The following ABCC1 variants were observed in gnomAD, a reference collection of about 807,000 sequenced individuals.
ABCC1 encodes ATP binding cassette subfamily C member 1 (ABCC1 blood group).
A neutral mutation model predicts 172.9 loss-of-function variants in ABCC1; 83 were observed. That is an observed-to-expected ratio of 0.48 (90% CI 0.40 to 0.58). The LOEUF is 0.58. ABCC1 is among the 20% of genes least tolerant of loss of function. The probability of loss-of-function intolerance (pLI) is 0.00; values close to 1 mark genes in which losing one functional copy is unlikely to be tolerated. For missense variants in ABCC1, 1,817 were observed against 2,002.7 expected, an observed-to-expected ratio of 0.91 and a Z score of 1.77; for synonymous variants, 937 against 825.2, an observed-to-expected ratio of 1.14 and a Z score of -2.32.
At chr16:16,138,739 A>C (rs2046014944) in intron 30 of ABCC1, among the ~76,000 whole-genome samples, 181 bp downstream of exon 30, 1 of 140,170 alleles carries the variant, frequency 7.1e-6, no homozygotes, top group African/African-American at 2.8e-5. Flanking sequence ...TTTTTGAGAC[A>C]GAGTCTCGCT....
At chr16:16,048,354 G>A (rs760609085) in intron 10 of ABCC1, 51 bp downstream of exon 10, 1 of 1,601,396 alleles carries the variant, frequency 6.2e-7, no homozygotes, top group Admixed American at 1.7e-5. Flanking sequence ...ACTTCTACGT[G>A]TGGGCAGTGG....
chr16:16,027,448 T>G (rs1056992658), intron 5 of ABCC1, among the ~76,000 whole-genome samples: 1 of 152,110 alleles, frequency 6.6e-6, no homozygotes, highest in Non-Finnish European at 1.5e-5. Flanking sequence ...GGTATAGTGG[T>G]GTATTGTGAA....
At position 16,090,559 on chromosome 16, in the gene ABCC1, C is replaced by G. The variant is rs1362592973; in HGVS notation, c.2615C>G (p.Thr872Arg). 1.9e-6 allele frequency: 3 copies of G among 1,611,518 alleles called. No individual in the cohort carries two copies. Among genetic ancestry groups the G allele is most frequent in the Non-Finnish European group, 2.5e-6 (3 of 1,178,366 alleles). ...GAGTTCCTGCGTACCTATGCCAGCA[C>G]AGAGCAGGAGCAGGATGCAGAGGAG... ...FAEFLRTYAS[T>R]EQEQDAEENG... The change falls in exon 19 of 31, where the codon ACA (threonine) becomes AGA (arginine). Residue 872 changes from threonine (T) to arginine (R), a missense_variant. Thr to Arg is a moderately conservative substitution (Grantham distance 71). Transcript: ENST00000399410.
chr16:16,000,401 T>C (rs556662749), intron 1 of ABCC1, among the ~76,000 whole-genome samples: 2 of 152,154 alleles, frequency 1.3e-5, no homozygotes, highest in East Asian at 3.9e-4. Flanking sequence ...CGTGTCGGCC[T>C]CCCAAAGTGC....
chr16:16,130,898 G>A (rs1166586552), intron 26 of ABCC1, among the ~76,000 whole-genome samples: 2 of 152,098 alleles, frequency 1.3e-5, no homozygotes, highest in Admixed American at 6.6e-5. Flanking sequence ...AGAGGTGGGT[G>A]GATCATGAGG....
intron 15 of ABCC1, among the ~76,000 whole-genome samples, chr16:16,076,875 T>C (rs1192025090): frequency 2.0e-5 from 3 of 152,342 alleles, no homozygotes; most frequent in Non-Finnish European, 2.9e-5. Flanking sequence ...CTGCTTCTTA[T>C]TGACCCAGAT....
chr16:16,008,332 T>A (rs2047632321), intron 2 of ABCC1, among the ~76,000 whole-genome samples: 1 of 151,702 alleles, frequency 6.6e-6, no homozygotes, highest in Non-Finnish European at 1.5e-5. Context: ...CCTTTTTATT[T>A]AATTAAATAT....
Position 15,953,559 on chromosome 16 carries a change from A to G in ABCC1, c.48+3760A>G, listed in dbSNP as rs115348388. Reference sequence around the variant, plus strand: ...AGGAATAAGTGAGTTAATCCTTAGCAAGGACTTAAAATGTTGCTGCTTGGC... The same window carrying G: ...AGGAATAAGTGAGTTAATCCTTAGCGAGGACTTAAAATGTTGCTGCTTGGC... On this transcript the variant is annotated intron_variant, in intron 1 of 30. Transcript: ENST00000399410. 2.1e-3 allele frequency among the ~76,000 whole-genome samples: 323 copies of G among 152,260 alleles called. 2 individuals are homozygous for G. Among genetic ancestry groups the G allele is most frequent in the African/African-American group, 7.1e-3 (293 of 41,554 alleles).
At chr16:15,966,662 T>C (rs2046250810) in intron 1 of ABCC1, among the ~76,000 whole-genome samples, 1 of 151,152 alleles carries the variant, frequency 6.6e-6, no homozygotes, top group Non-Finnish European at 1.5e-5. Flanking sequence ...TTTTTTTTTT[T>C]TTTTTAGAGA....
intron 14 of ABCC1, among the ~76,000 whole-genome samples, chr16:16,073,051 AAAAAAAT>A (rs1476900185): frequency 9.0e-6 from 1 of 110,876 alleles, no homozygotes; most frequent in Non-Finnish European, 2.0e-5. Flanking sequence ...AAAAAAAAAA[AAAAAAAT>A]AATAATAATA....
chr16:16,125,337 T>C (rs2045381105), intron 25 of ABCC1, among the ~76,000 whole-genome samples: 1 of 152,340 alleles, frequency 6.6e-6, no homozygotes, highest in Non-Finnish European at 1.5e-5. Context: ...GAGATGGCAA[T>C]GTGGCAGGCC....
Position 16,052,768 on chromosome 16 carries a change from C to T in ABCC1, c.1425C>T (p.Leu475=). The T allele has an allele frequency of 1.2e-6, 2 of 1,614,124 alleles. No homozygotes were observed. The highest frequency in any genetic ancestry group is 1.7e-6 in the Non-Finnish European group (2 of 1,180,032). The change falls in exon 11 of 31, where the codon CTC becomes CTT. Residue 475 remains leucine (L), a synonymous_variant. Coordinates refer to ENST00000399410, the MANE Select transcript of ABCC1 (RefSeq NM_004996.4). ...SVLAGVAVMV[L]MVPVNAVMAM... is the part of the protein sequence containing the mutation. ...TGGCTGGAGTGGCGGTGATGGTCCT[C>T]ATGGTGCCCGTCAATGCTGTGATGG...
In ABCC1 at chr16:16,130,048, C is replaced by T. The variant is rs147763894; in HGVS notation, c.3820-1741C>T. ...GGCCCAGGCCATATCCAGCTGTGGG[C>T]CTCAGGAAATGCTGAACTGAACTAC... On this transcript the variant is annotated intron_variant, in intron 26 of 30. Coordinates refer to ENST00000399410, the MANE Select transcript of ABCC1 (RefSeq NM_004996.4). 6.6e-3 allele frequency among the ~76,000 whole-genome samples: 1,002 copies of T among 152,316 alleles called. 11 individuals carry two copies. The highest frequency in any genetic ancestry group is 0.023 in the African/African-American group (970 of 41,562).
At chr16:16,076,462 G>A (rs372717394) in intron 15 of ABCC1, 61 bp downstream of exon 15, 32 of 1,483,168 alleles carry the variant, frequency 2.2e-5, no homozygotes, top group African/African-American at 1.1e-4. Flanking sequence ...TTTGTTAAAC[G>A]TGGATTCGAA....
At chr16:16,102,913 G>C (rs1387459469) in intron 20 of ABCC1, among the ~76,000 whole-genome samples, 196 bp downstream of exon 20, 1 of 152,300 alleles carries the variant, frequency 6.6e-6, no homozygotes, top group Non-Finnish European at 1.5e-5. Flanking sequence ...CTTTTTGCCA[G>C]GTGGCACAAC....
In ABCC1 at chr16:16,009,867, T is replaced by A. The variant is rs773404444; in HGVS notation, c.317T>A (p.Phe106Tyr). The change falls in exon 3 of 31, where the codon TTT (phenylalanine) becomes TAT (tyrosine). Residue 106 changes from phenylalanine to tyrosine, a missense_variant. Physicochemically the swap from Phe to Tyr is conservative, Grantham distance 22. Transcript: ENST00000399410. ...RSRGIFLAPV[F>Y]LVSPTLLGIT... is the part of the protein sequence containing the mutation. ...CGGGGCATATTCCTGGCCCCAGTGT[T>A]TCTGGTCAGCCCAACTCTCTTGGGC... is the stretch of plus-strand genomic sequence containing the variant. 1 of 1,611,216 alleles carries A rather than the reference T, an allele frequency of 6.2e-7. No individual in the cohort carries two copies. Among genetic ancestry groups the A allele is most frequent in the Admixed American group, 1.7e-5 (1 of 59,512 alleles).
Position 16,044,651 on chromosome 16 carries a change from G to C in ABCC1, c.1011G>C (p.Leu337=). The change falls in exon 8 of 31, where the codon CTG becomes CTC. Residue 337 remains leucine, a synonymous_variant. Transcript: ENST00000399410. ...MSFFFKAIHD[L]MMFSGPQILK... ...TCTTCTTCAAGGCCATCCACGACCT[G>C]ATGATGTTTTCCGGGCCGCAGATCT... is the stretch of plus-strand genomic sequence containing the variant. 6.2e-7 allele frequency: 1 copy of C among 1,614,144 alleles called. No individual in the cohort carries two copies. The highest frequency in any genetic ancestry group is 8.5e-7 in the Non-Finnish European group (1 of 1,180,036).
intron 1 of ABCC1, among the ~76,000 whole-genome samples, chr16:15,999,769 T>TCTCTC (rs2047186174): frequency 3.9e-5 from 1 of 25,364 alleles, no homozygotes; most frequent in African/African-American, 1.1e-4. Flanking sequence ...CCCGGCCTCT[T>TCTCTC]TCTCTCTCTC....
At chr16:16,095,692 T>A (rs2051444871) in intron 19 of ABCC1, among the ~76,000 whole-genome samples, 1 of 152,130 alleles carries the variant, frequency 6.6e-6, no homozygotes, top group Non-Finnish European at 1.5e-5. Flanking sequence ...TATTTATATA[T>A]TTTTATGTTT....
Sources: allele counts gnomAD v4.1 joint callset (sites outside exome capture counted in the v4.1 genomes callset), GRCh38; gene constraint gnomAD v4.1.1; transcripts MANE v1.5; gene names NCBI Gene and HGNC (gene_info 2026-07-23, HGNC 2026-07-21).